Variants in NEDD4 observed in about 807,000 individuals in gnomAD.
The protein encoded by NEDD4 is E3 ubiquitin-protein ligase NEDD4.
NEDD4 carries 99 observed loss-of-function variants against 144.9 expected under a neutral mutation model. The observed-to-expected ratio is 0.68, with a 90% CI of 0.58 to 0.81. NEDD4 has a LOEUF of 0.81. Ranked by LOEUF, NEDD4 falls within the 30% of genes least tolerant of loss-of-function variation. NEDD4 has a pLI of 0.00. For missense variants in NEDD4, 985 were observed against 1,065.9 expected (o/e 0.92, Z 1.06); for synonymous variants, 318 against 350.6 (o/e 0.91, Z 1.04).
chr15:55,948,851 G>A (rs1310881995), intron 4 of NEDD4, among the ~76,000 whole-genome samples: 21 of 152,182 alleles, frequency 1.4e-4, no homozygotes, highest in African/African-American at 4.3e-4. Context: ...CATAAGAACC[G>A]TAGAAGAAAA....
chr15:55,886,354 TA>T (rs1468829973), intron 5 of NEDD4, among the ~76,000 whole-genome samples: 8 of 152,200 alleles, frequency 5.3e-5, no homozygotes, highest in African/African-American at 1.9e-4. Context: ...ATGGACCTAA[TA>T]AATGTTTAGA....
chr15:55,860,912 T>C (rs2034379781), intron 9 of NEDD4, 134 bp from the exon 10 acceptor site: 1 of 725,714 alleles, frequency 1.4e-6, no homozygotes, highest in African/African-American at 1.8e-5. Flanking sequence ...CAAAGGCTAT[T>C]TCAACATGCA....
chr15:55,993,480 A>G (rs922186643), intron 1 of NEDD4, 31 bp downstream of exon 1: 18 of 1,592,760 alleles, frequency 1.1e-5, no homozygotes, highest in Non-Finnish European at 1.5e-5. Context: ...CCCGAAGGGA[A>G]GCCCGCCCCG....
intron 24 of NEDD4, 120 bp downstream of exon 24, chr15:55,837,669 A>G: frequency 3.5e-6 from 2 of 575,636 alleles, no homozygotes; most frequent in Non-Finnish European, 6.0e-6. Context: ...AATATAATTT[A>G]GAATGATTTC....
At chr15:55,914,845 C>T (rs145322103) in intron 5 of NEDD4, among the ~76,000 whole-genome samples, 1 of 151,902 alleles carries the variant, frequency 6.6e-6, no homozygotes, top group African/African-American at 2.4e-5. Context: ...CTAAATTTTA[C>T]TCTATTTCAT....
chr15:55,947,499 G>A (rs555400561), intron 4 of NEDD4, among the ~76,000 whole-genome samples: 181 of 152,212 alleles, frequency 1.2e-3, no homozygotes, highest in African/African-American at 4.2e-3. Context: ...CCAATAACAG[G>A]CTCTGAAATT....
chr15:55,871,403 C>T (rs1341756381), intron 7 of NEDD4, among the ~76,000 whole-genome samples: 2 of 152,112 alleles, frequency 1.3e-5, no homozygotes, highest in Non-Finnish European at 2.9e-5. Context: ...TCATTGCAGA[C>T]AGAAGAAACA....
At chr15:55,887,869 GA>G (rs1306346706) in intron 5 of NEDD4, among the ~76,000 whole-genome samples, 4 of 152,158 alleles carry the variant, frequency 2.6e-5, no homozygotes, top group African/African-American at 9.6e-5. Context: ...TCAACAGAAT[GA>G]AGTATTGATT....
intron 4 of NEDD4, among the ~76,000 whole-genome samples, chr15:55,934,459 G>A (rs1335258273): frequency 1.3e-5 from 2 of 152,096 alleles, no homozygotes; most frequent in African/African-American, 2.4e-5. Flanking sequence ...TAATAACACT[G>A]TAAAAGTGTA....
intron 1 of NEDD4, among the ~76,000 whole-genome samples, chr15:55,971,135 T>C (rs891237296): frequency 2.0e-5 from 3 of 152,050 alleles, no homozygotes; most frequent in South Asian, 4.1e-4. Flanking sequence ...AATTCTGAAG[T>C]TGAAAAAATT....
intron 4 of NEDD4, among the ~76,000 whole-genome samples, chr15:55,945,320 T>G (rs2037089318): frequency 6.6e-6 from 1 of 152,132 alleles, no homozygotes; most frequent in Non-Finnish European, 1.5e-5. Context: ...AGACCTTAAA[T>G]GACCTGATGG....
intron 2 of NEDD4, among the ~76,000 whole-genome samples, chr15:55,958,042 A>G (rs1307468506): frequency 3.3e-5 from 5 of 152,222 alleles, no homozygotes; most frequent in African/African-American, 1.2e-4. Flanking sequence ...TGGGTGCAGC[A>G]CACCAACATG....
chr15:55,967,913 T>C (rs1170679003), intron 1 of NEDD4, among the ~76,000 whole-genome samples: 2 of 151,924 alleles, frequency 1.3e-5, no homozygotes, highest in Non-Finnish European at 2.9e-5. Flanking sequence ...CTAGAGAGGG[T>C]GAGGCAGGAG....
chr15:55,853,332 G>A (rs771371063), intron 12 of NEDD4, among the ~76,000 whole-genome samples: 2 of 152,092 alleles, frequency 1.3e-5, no homozygotes, highest in African/African-American at 2.4e-5. Context: ...TAACAAGCAC[G>A]TGTCCTGTTT....
intron 27 of NEDD4, among the ~76,000 whole-genome samples, chr15:55,831,370 A>G (rs1279784628): frequency 6.6e-6 from 1 of 152,176 alleles, no homozygotes; most frequent in Non-Finnish European, 1.5e-5. Flanking sequence ...TGTGTGGGAT[A>G]TTTGCCCCAA....
At chr15:55,875,800 T>A (rs906752356) in intron 5 of NEDD4, among the ~76,000 whole-genome samples, 32 of 152,070 alleles carry the variant, frequency 2.1e-4, no homozygotes, top group African/African-American at 7.7e-4. Context: ...GACGTATGTG[T>A]AACTGGAGTT....
intron 5 of NEDD4, among the ~76,000 whole-genome samples, chr15:55,877,082 C>T (rs1490384923): frequency 7.2e-5 from 11 of 151,928 alleles, no homozygotes; most frequent in Non-Finnish European, 2.9e-5. Flanking sequence ...TACTTTTCAC[C>T]CAGATCCACC....
chr15:55,945,418 T>C (rs905724284), intron 4 of NEDD4, among the ~76,000 whole-genome samples: 2 of 151,936 alleles, frequency 1.3e-5, no homozygotes, highest in South Asian at 2.1e-4. Flanking sequence ...CTATCACTGA[T>C]TGAAGATGAA....
intron 18 of NEDD4, among the ~76,000 whole-genome samples, chr15:55,845,526 GT>G (rs143584252): frequency 4.7e-5 from 7 of 148,148 alleles, no homozygotes; most frequent in South Asian, 2.1e-4. Flanking sequence ...TTTTATCATG[GT>G]TTTTTTTTTG....
Sources: gnomAD v4.1 joint callset for allele counts (sites outside exome capture counted in the v4.1 genomes callset) on GRCh38, gnomAD v4.1.1 for gene constraint, MANE v1.5 for transcripts, NCBI Gene and HGNC (gene_info 2026-07-23, HGNC 2026-07-21) for gene names.